DMD: variants seen among roughly 807,000 people sequenced by gnomAD.
The protein encoded by DMD is dystrophin.
DMD carries 63 observed loss-of-function variants against 330.1 expected under a neutral mutation model. That is an observed-to-expected ratio of 0.19 (90% CI 0.16 to 0.24). DMD has a LOEUF of 0.24. Among genes scored for constraint, DMD ranks in the 10% least tolerant of loss-of-function variants. DMD has a pLI of 1.00. For missense variants in DMD, 3,344 were observed against 2,684.1 expected (o/e 1.25, Z -5.43); for synonymous variants, 1,223 against 959.8 (o/e 1.27, Z -5.07).
rs912926768 is a variant in DMD at position 31,405,809 on chromosome X, A to G, written c.9084+38672T>C. The stretch of plus-strand genomic sequence containing the variant: ...CATATACTAAAAGCAATCTATGACA[A>G]TTTTCTAAGGCCTCTGAAATTCTAT... On this transcript the variant is annotated intron_variant, in intron 60 of 78. Transcript: ENST00000357033. Among the ~76,000 whole-genome samples the G allele has an allele frequency of 6.3e-5, 7 of 111,639 alleles. No homozygotes were observed. The Admixed American group carries it at 6.7e-4, about 11-fold the overall frequency.
At chrX:32,092,127 G>A (rs2096479148) in intron 44 of DMD, among the ~76,000 whole-genome samples, 1 of 111,407 alleles carries the variant, frequency 9.0e-6, no homozygotes, top group Non-Finnish European at 1.9e-5. Flanking sequence ...ACATGTTCTG[G>A]GTTCAATTTC....
At chrX:33,136,811 CTA>C (rs965475802) in intron 1 of DMD, among the ~76,000 whole-genome samples, 18 of 110,448 alleles carry the variant, frequency 1.6e-4, no homozygotes, top group African/African-American at 4.9e-4. Context: ...ATTACACAGT[CTA>C]TGATATTTTT....
At chrX:32,740,257 A>G (rs1245994334) in intron 7 of DMD, among the ~76,000 whole-genome samples, 1 of 110,445 alleles carries the variant, frequency 9.1e-6, no homozygotes. Flanking sequence ...TTTGGCGGGA[A>G]GAAAATTCTA....
At chrX:32,829,011 G>T (rs750073556) in intron 4 of DMD, among the ~76,000 whole-genome samples, 3 of 111,104 alleles carry the variant, frequency 2.7e-5, no homozygotes, top group African/African-American at 6.5e-5. Flanking sequence ...GTAAATAAGA[G>T]ATAACATTTG....
intron 46 of DMD, among the ~76,000 whole-genome samples, chrX:31,930,844 A>G (rs1015624039): frequency 8.0e-5 from 9 of 112,401 alleles, no homozygotes; most frequent in African/African-American, 2.9e-4. Context: ...TGGGAAAGAT[A>G]AATTTCCAAG....
At chrX:33,231,269 T>G (rs183793387) in intron 1 of DMD, among the ~76,000 whole-genome samples, 11 of 111,484 alleles carry the variant, frequency 9.9e-5, no homozygotes, top group African/African-American at 3.3e-4. Context: ...ATTTAAATGA[T>G]AAGTCGTTCC....
At chrX:32,351,508 G>C (rs1244157266) in intron 37 of DMD, among the ~76,000 whole-genome samples, 1 of 108,036 alleles carries the variant, frequency 9.3e-6, no homozygotes, top group Non-Finnish European at 1.9e-5. Flanking sequence ...TTTTAATCAG[G>C]AATTATTTGG....
At chrX:33,152,061 T>C (rs758140083) in intron 1 of DMD, among the ~76,000 whole-genome samples, 11 of 112,090 alleles carry the variant, frequency 9.8e-5, no homozygotes, top group Non-Finnish European at 1.5e-4. Context: ...GTATGTTCTT[T>C]ACATTTGTAT....
At chrX:31,145,662 A>ATTTTTTTTTT (rs749721258) in intron 76 of DMD, among the ~76,000 whole-genome samples, 46 of 86,272 alleles carry the variant, frequency 5.3e-4, no homozygotes, top group African/African-American at 1.7e-3. Context: ...TGGGAACTCT[A>ATTTTTTTTTT]TTTTTTTTTT....
chrX:32,491,079 T>C (rs2042950125), intron 20 of DMD, among the ~76,000 whole-genome samples, 198 bp downstream of exon 20: 2 of 112,675 alleles, frequency 1.8e-5, no homozygotes, highest in African/African-American at 6.4e-5. Context: ...CTACGCCAAA[T>C]ACAATTTTAG....
chrX:33,179,538 A>T (rs2049852411), intron 1 of DMD, among the ~76,000 whole-genome samples: 1 of 108,966 alleles, frequency 9.2e-6, no homozygotes, highest in African/African-American at 3.3e-5. Flanking sequence ...CTAAAAATAC[A>T]AAAAAATTAG....
intron 29 of DMD, among the ~76,000 whole-genome samples, chrX:32,434,110 TA>T (rs1024178931): frequency 1.8e-5 from 2 of 112,481 alleles, no homozygotes; most frequent in Non-Finnish European, 3.7e-5. Context: ...TCATAGGCAA[TA>T]AAAGTCTGGC....
intron 1 of DMD, among the ~76,000 whole-genome samples, chrX:33,243,651 T>C (rs1285410347): frequency 8.9e-6 from 1 of 111,964 alleles, no homozygotes; most frequent in Non-Finnish European, 1.9e-5. Flanking sequence ...TTTACTTAAG[T>C]TGATTGGATG....
chrX:32,844,462 AAAGT>A (rs1167204899), intron 4 of DMD, among the ~76,000 whole-genome samples: 1 of 110,851 alleles, frequency 9.0e-6, no homozygotes, highest in East Asian at 2.8e-4. Context: ...AAAGAAAAGC[AAAGT>A]AAGAAAAGAA....
intron 34 of DMD, among the ~76,000 whole-genome samples, chrX:32,377,228 C>A (rs991024876): frequency 2.7e-5 from 3 of 111,552 alleles, no homozygotes; most frequent in African/African-American, 9.8e-5. Context: ...ATACTTCATG[C>A]CCCCTATAAA....
At chrX:33,150,918 C>A (rs2048257694) in intron 1 of DMD, among the ~76,000 whole-genome samples, 1 of 111,650 alleles carries the variant, frequency 9.0e-6, no homozygotes, top group African/African-American at 3.3e-5. Context: ...CAAACCACAA[C>A]AGAGAAATAG....
chrX:32,137,089 A>T (rs1239052141), intron 44 of DMD, among the ~76,000 whole-genome samples: 1 of 112,448 alleles, frequency 8.9e-6, no homozygotes, highest in Non-Finnish European at 1.9e-5. Context: ...AACTTTTTTT[A>T]AAAATGTGGG....
intron 11 of DMD, among the ~76,000 whole-genome samples, chrX:32,628,344 G>A (rs113664621): frequency 0.028 from 2,400 of 84,344 alleles, 150 homozygotes; most frequent in South Asian, 0.25. Context: ...TTTCTGTGCC[G>A]GGCTTATTTT....
intron 55 of DMD, among the ~76,000 whole-genome samples, chrX:31,541,804 G>A (rs138325481): frequency 2.8e-4 from 31 of 111,029 alleles, no homozygotes; most frequent in African/African-American, 9.5e-4. Flanking sequence ...ACATACGTGT[G>A]CAGGTGAGAC....
Sources: allele counts gnomAD v4.1 joint callset (sites outside exome capture counted in the v4.1 genomes callset), GRCh38; gene constraint gnomAD v4.1.1; transcripts MANE v1.5; gene names NCBI Gene and HGNC (gene_info 2026-07-23, HGNC 2026-07-21).